The following SLC35D4 variants were observed in gnomAD, a reference collection of about 807,000 sequenced individuals.
The protein encoded by SLC35D4 is solute carrier family 35 member D4, also known as UDP-N-acetylglucosamine transporter SLC35D4.
the SLC35D4 span, among the ~76,000 whole-genome samples, chr18:23,380,547 C>G: frequency 1.2e-3 from 182 of 152,256 alleles, no homozygotes; most frequent in African/African-American, 4.3e-3. Flanking sequence ...CCTGTGCCAG[C>G]CCGAGTGTAC....
At chr18:23,334,361 T>A in the SLC35D4 span, among the ~76,000 whole-genome samples, 1 of 152,146 alleles carries the variant, frequency 6.6e-6, no homozygotes, top group African/African-American at 2.4e-5. Context: ...ACAAGAAGAC[T>A]GACATGGAAA....
chr18:23,245,705 C>A, the SLC35D4 span, among the ~76,000 whole-genome samples: 1 of 152,244 alleles, frequency 6.6e-6, no homozygotes, highest in Non-Finnish European at 1.5e-5. Flanking sequence ...CTCTGGACAT[C>A]TGTGTTGTGG....
At chr18:23,245,130 C>T in the SLC35D4 span, among the ~76,000 whole-genome samples, 23 of 152,274 alleles carry the variant, frequency 1.5e-4, 1 homozygote, top group Admixed American at 1.5e-3. Context: ...GCATTGTTAC[C>T]GTGGGCCAGG....
At chr18:23,241,002 C>T in the SLC35D4 span, among the ~76,000 whole-genome samples, 2 of 152,240 alleles carry the variant, frequency 1.3e-5, no homozygotes, top group African/African-American at 4.8e-5. Flanking sequence ...AGATATAGAG[C>T]ATTTCTGTCC....
the SLC35D4 span, among the ~76,000 whole-genome samples, chr18:23,310,028 C>T: frequency 5.9e-4 from 90 of 152,302 alleles, 1 homozygote; most frequent in South Asian, 0.017. Context: ...AAAAGGGAGG[C>T]GCACAGCCAA....
the SLC35D4 span, among the ~76,000 whole-genome samples, chr18:23,306,746 C>T: frequency 6.6e-6 from 1 of 152,070 alleles, no homozygotes; most frequent in African/African-American, 2.4e-5. Context: ...AGTGCTATTC[C>T]ATGGGGGGGA....
chr18:23,263,743 C>A, the SLC35D4 span, among the ~76,000 whole-genome samples: 1 of 152,218 alleles, frequency 6.6e-6, no homozygotes, highest in East Asian at 1.9e-4. Flanking sequence ...GCCAAGCATA[C>A]CTTGGCCAGG....
chr18:23,437,385 A>T, the SLC35D4 span, among the ~76,000 whole-genome samples: 1 of 152,096 alleles, frequency 6.6e-6, no homozygotes, highest in Non-Finnish European at 1.5e-5. Flanking sequence ...CTGGAACTTC[A>T]CGGGGGCTCT....
chr18:23,417,398 C>T, the SLC35D4 span, among the ~76,000 whole-genome samples: 1 of 152,076 alleles, frequency 6.6e-6, no homozygotes, highest in African/African-American at 2.4e-5. Flanking sequence ...AACATTAATG[C>T]TAAGTAAAAT....
the SLC35D4 span, among the ~76,000 whole-genome samples, chr18:23,332,398 G>C: frequency 6.6e-6 from 1 of 151,738 alleles, no homozygotes; most frequent in Non-Finnish European, 1.5e-5. Flanking sequence ...ACTGAGGAGG[G>C]GGAATACGTA....
chr18:23,256,998 G>A, the SLC35D4 span, among the ~76,000 whole-genome samples: 1 of 152,300 alleles, frequency 6.6e-6, no homozygotes, highest in African/African-American at 2.4e-5. Flanking sequence ...GATGTCATAA[G>A]ATGTATGTGT....
the SLC35D4 span, among the ~76,000 whole-genome samples, chr18:23,340,389 AG>A: frequency 6.6e-6 from 1 of 152,050 alleles, no homozygotes; most frequent in South Asian, 2.1e-4. Context: ...CAGCTGTTTC[AG>A]GCCAGCAGTA....
the SLC35D4 span, among the ~76,000 whole-genome samples, chr18:23,320,293 C>A: frequency 5.9e-5 from 9 of 152,160 alleles, no homozygotes; most frequent in African/African-American, 2.2e-4. Context: ...GGCTCTTAGA[C>A]CCATCAGATA....
chr18:23,248,403 C>T, the SLC35D4 span, among the ~76,000 whole-genome samples: 16 of 151,698 alleles, frequency 1.1e-4, no homozygotes, highest in African/African-American at 2.2e-4. Context: ...AAAGAGGAGC[C>T]GGTGCAGGGG....
At chr18:23,274,333 G>T in the SLC35D4 span, among the ~76,000 whole-genome samples, 1 of 152,214 alleles carries the variant, frequency 6.6e-6, no homozygotes, top group East Asian at 1.9e-4. Flanking sequence ...CTCAGCGGTG[G>T]CAGCTGTGGA....
the SLC35D4 span, among the ~76,000 whole-genome samples, chr18:23,405,396 G>T: frequency 6.6e-6 from 1 of 152,056 alleles, no homozygotes; most frequent in Non-Finnish European, 1.5e-5. Flanking sequence ...CACCATGTTG[G>T]TCAGGCTGAC....
the SLC35D4 span, among the ~76,000 whole-genome samples, chr18:23,290,658 A>G: frequency 6.7e-6 from 1 of 148,362 alleles, no homozygotes; most frequent in Non-Finnish European, 1.5e-5. Context: ...ATGGAGTCTC[A>G]CTGTGTCGCC....
At chr18:23,423,135 C>T in the SLC35D4 span, among the ~76,000 whole-genome samples, 1 of 152,238 alleles carries the variant, frequency 6.6e-6, no homozygotes, top group Non-Finnish European at 1.5e-5. Context: ...CCAGCCACAG[C>T]AGATGGCCCA....
At chr18:23,245,370 G>C in the SLC35D4 span, among the ~76,000 whole-genome samples, 4 of 152,084 alleles carry the variant, frequency 2.6e-5, no homozygotes, top group African/African-American at 9.7e-5. Context: ...AAATAGCCAG[G>C]CGTGGTGGCG....
Sources: gnomAD v4.1 joint callset for allele counts (sites outside exome capture counted in the v4.1 genomes callset) on GRCh38, gnomAD v4.1.1 for gene constraint, MANE v1.5 for transcripts, NCBI Gene and HGNC (gene_info 2026-07-23, HGNC 2026-07-21) for gene names.